Variants in TMEFF1 observed in about 807,000 individuals in gnomAD.
TMEFF1 encodes transmembrane protein with EGF like and two follistatin like domains 1.
TMEFF1 carries 20 observed loss-of-function variants against 47.5 expected under a neutral mutation model. That is an observed-to-expected ratio of 0.42 (90% CI 0.30 to 0.61). TMEFF1 has a LOEUF of 0.61. Among genes scored for constraint, TMEFF1 ranks in the 20% least tolerant of loss-of-function variants. TMEFF1 has a pLI of 0.19. For missense variants in TMEFF1, 411 were observed against 471.1 expected (o/e 0.87, Z 1.18); for synonymous variants, 162 against 166.3 (o/e 0.97, Z 0.20).
intron 5 of TMEFF1, among the ~76,000 whole-genome samples, chr9:100,540,079 T>C (rs1321848206): frequency 6.6e-6 from 1 of 152,206 alleles, no homozygotes; most frequent in Admixed American, 6.5e-5. Flanking sequence ...TACAAACCTT[T>C]AGCTAGACAG....
chr9:100,554,534 G>A (rs2118528480), intron 7 of TMEFF1, among the ~76,000 whole-genome samples: 1 of 152,154 alleles, frequency 6.6e-6, no homozygotes, highest in African/African-American at 2.4e-5. Context: ...AGTAGTTGAG[G>A]TAGATGAACC....
At chr9:100,546,909 A>C (rs1838743594) in intron 5 of TMEFF1, among the ~76,000 whole-genome samples, 1 of 152,172 alleles carries the variant, frequency 6.6e-6, no homozygotes, top group Non-Finnish European at 1.5e-5. Flanking sequence ...TTCAGTGGAT[A>C]CTCAGTTACA....
intron 3 of TMEFF1, among the ~76,000 whole-genome samples, chr9:100,512,834 T>G (rs934193063): frequency 6.6e-6 from 1 of 152,162 alleles, no homozygotes; most frequent in African/African-American, 2.4e-5. Context: ...TCTTACCTTT[T>G]GGCTTTTGGT....
intron 5 of TMEFF1, among the ~76,000 whole-genome samples, chr9:100,543,840 C>T (rs530955492): frequency 2.1e-4 from 32 of 152,020 alleles, no homozygotes; most frequent in African/African-American, 7.5e-4. Context: ...TGGCCTAGAG[C>T]CTCTTCTAGT....
At chr9:100,485,511 C>T (rs1209265513) in intron 1 of TMEFF1, among the ~76,000 whole-genome samples, 1 of 152,192 alleles carries the variant, frequency 6.6e-6, no homozygotes, top group Non-Finnish European at 1.5e-5. Context: ...TCCTCACCAA[C>T]CTTTGTTATT....
chr9:100,532,879 A>G (rs1587841564), intron 5 of TMEFF1, among the ~76,000 whole-genome samples: 1 of 152,152 alleles, frequency 6.6e-6, no homozygotes, highest in Non-Finnish European at 1.5e-5. Flanking sequence ...AAAATATGGC[A>G]TATATACACC....
chr9:100,516,175 A>T (rs1052250582), intron 4 of TMEFF1, among the ~76,000 whole-genome samples: 4 of 151,580 alleles, frequency 2.6e-5, no homozygotes, highest in Non-Finnish European at 4.4e-5. Context: ...GGAGATAAGT[A>T]TTTTTTTTTA....
intron 1 of TMEFF1, among the ~76,000 whole-genome samples, chr9:100,489,478 A>C (rs1254442836): frequency 6.6e-6 from 1 of 152,202 alleles, no homozygotes; most frequent in Non-Finnish European, 1.5e-5. Flanking sequence ...GGCGTGAGGC[A>C]CTGCACCCTG....
At chr9:100,506,245 A>C (rs1291824781) in intron 2 of TMEFF1, among the ~76,000 whole-genome samples, 1 of 152,198 alleles carries the variant, frequency 6.6e-6, no homozygotes, top group Non-Finnish European at 1.5e-5. Context: ...ATTGAAGAAA[A>C]ATAGAGAAAT....
At chr9:100,498,122 A>G (rs1587821733) in intron 1 of TMEFF1, among the ~76,000 whole-genome samples, 1 of 152,142 alleles carries the variant, frequency 6.6e-6, no homozygotes, top group African/African-American at 2.4e-5. Flanking sequence ...GAATTCTGGT[A>G]TTGTTGATTG....
At chr9:100,519,209 A>G (rs1490982191) in intron 5 of TMEFF1, among the ~76,000 whole-genome samples, 1 of 152,030 alleles carries the variant, frequency 6.6e-6, no homozygotes, top group Non-Finnish European at 1.5e-5. Flanking sequence ...AGAGATCAAG[A>G]CCATCCTGAC....
At chr9:100,532,908 A>G (rs1202636880) in intron 5 of TMEFF1, among the ~76,000 whole-genome samples, 1 of 152,174 alleles carries the variant, frequency 6.6e-6, no homozygotes, top group Non-Finnish European at 1.5e-5. Context: ...CTATGCAGCC[A>G]TAAAAAATGA....
chr9:100,484,922 C>G (rs1196898266), intron 1 of TMEFF1, among the ~76,000 whole-genome samples: 1 of 152,090 alleles, frequency 6.6e-6, no homozygotes, highest in Non-Finnish European at 1.5e-5. Context: ...AGTGATCTGC[C>G]TGCCTCGGCC....
intron 5 of TMEFF1, among the ~76,000 whole-genome samples, chr9:100,542,081 TG>T (rs1344351735): frequency 6.6e-6 from 1 of 152,162 alleles, no homozygotes; most frequent in Non-Finnish European, 1.5e-5. Context: ...ACTTTTGTCT[TG>T]CTTTTCCTTT....
At position 100,473,284 on chromosome 9, in the gene TMEFF1, C is replaced by G; in HGVS notation, c.-261C>G. On this transcript the variant is annotated 5_prime_UTR_variant, in exon 1 of 10. Transcript: ENST00000374879. The surrounding 1 kb of genome is among the most constrained non-coding windows in gnomAD (Gnocchi z 5.4). ...GCCCGCTCCCCTCGCCGCGGTGTCC[C>G]CCACGCCGGCTCGCACCCTCGCGCG... The G allele has an allele frequency of 6.6e-6, 1 of 151,944 alleles. No homozygotes were observed. Among genetic ancestry groups the G allele is most frequent in the Non-Finnish European group, 1.5e-5 (1 of 68,900 alleles). 9.4% of individuals were successfully genotyped at this position (151,944 alleles called of 1,614,324 possible).
chr9:100,540,754 C>T (rs960632805), intron 5 of TMEFF1, among the ~76,000 whole-genome samples: 11 of 152,302 alleles, frequency 7.2e-5, no homozygotes, highest in East Asian at 1.9e-4. Flanking sequence ...TTGTTTTTGA[C>T]TTTTGCCAAT....
intron 5 of TMEFF1, among the ~76,000 whole-genome samples, chr9:100,546,738 G>T (rs780613566): frequency 2.0e-5 from 3 of 152,102 alleles, no homozygotes; most frequent in Non-Finnish European, 4.4e-5. Context: ...GTTTTTATCA[G>T]GAAGGTTAGT....
At chr9:100,555,162 G>GACAC (rs112017161) in intron 7 of TMEFF1, among the ~76,000 whole-genome samples, 6,124 of 144,434 alleles carry the variant, frequency 0.042, 229 homozygotes, top group East Asian at 0.18. Flanking sequence ...TGTACACACA[G>GACAC]ACACACACAC....
intron 1 of TMEFF1, among the ~76,000 whole-genome samples, chr9:100,476,145 G>A (rs1000238351): frequency 4.6e-5 from 7 of 152,130 alleles, no homozygotes; most frequent in Admixed American, 2.0e-4. Flanking sequence ...CTAGCAGTAA[G>A]ATATACTTGA....
Sources: allele counts gnomAD v4.1 joint callset (sites outside exome capture counted in the v4.1 genomes callset), GRCh38; gene constraint gnomAD v4.1.1; non-coding constraint Gnocchi (gnomAD v3.1); transcripts MANE v1.5; gene names NCBI Gene and HGNC (gene_info 2026-07-23, HGNC 2026-07-21).